GLIS3: variants seen among roughly 807,000 people sequenced by gnomAD.
The protein encoded by GLIS3 is GLIS family zinc finger 3, also known as zinc finger protein GLIS3.
GLIS3 carries 53 observed loss-of-function variants against 78.6 expected under a neutral mutation model. The observed-to-expected ratio is 0.67, with a 90% CI of 0.54 to 0.85. GLIS3 has a LOEUF of 0.85. Among genes scored for constraint, GLIS3 ranks in the 40% least tolerant of loss-of-function variants. GLIS3 has a pLI of 0.00. For synonymous variants in GLIS3, 684 were observed against 509.9 expected (o/e 1.34, Z -4.60); for missense variants, 1,703 against 1,231.1 (o/e 1.38, Z -5.74).
intron 3 of GLIS3, among the ~76,000 whole-genome samples, chr9:4,309,329 G>A (rs182183753): frequency 6.6e-6 from 1 of 152,118 alleles, no homozygotes; most frequent in Non-Finnish European, 1.5e-5. Flanking sequence ...TTAAGACTTG[G>A]CTGTAAGTTA....
At chr9:4,457,490 G>A in the GLIS3 span, among the ~76,000 whole-genome samples, 2 of 152,064 alleles carry the variant, frequency 1.3e-5, no homozygotes, top group African/African-American at 4.8e-5. Context: ...CACCCTCTGT[G>A]GACTTGTTTT....
chr9:4,169,099 G>T (rs1005311521), intron 2 of GLIS3, among the ~76,000 whole-genome samples: 4 of 152,086 alleles, frequency 2.6e-5, no homozygotes, highest in African/African-American at 9.7e-5. Flanking sequence ...CTACATTTTA[G>T]GAGTCTCCAA....
chr9:3,905,108 G>A (rs1823578588), intron 6 of GLIS3, among the ~76,000 whole-genome samples: 1 of 150,348 alleles, frequency 6.7e-6, no homozygotes, highest in Non-Finnish European at 1.5e-5. Flanking sequence ...GAGTAGCTGG[G>A]ACTATAGGCG....
chr9:4,056,603 G>C (rs551033279), intron 4 of GLIS3, among the ~76,000 whole-genome samples: 1 of 152,186 alleles, frequency 6.6e-6, no homozygotes, highest in African/African-American at 2.4e-5. Context: ...AGAGAAAAAA[G>C]CAAAGGGAAG....
rs371128523 is a variant in GLIS3, at chr9:4,242,298, A to G, written c.388+43740T>C. ...CTAGGACATCTCCAGGAAGTGGGGG[A>G]AAAAAACGTGCCAACCAATCTATAG... On this transcript the variant is annotated intron_variant, in intron 2 of 10. Transcript: ENST00000381971. 9.9e-5 allele frequency among the ~76,000 whole-genome samples: 15 copies of G among 152,116 alleles called. No homozygotes were observed. In the East Asian group the frequency reaches 1.5e-3, roughly 16 times the overall value.
At position 4,140,610 on chromosome 9, in the gene GLIS3, G is replaced by A. The variant is rs1439993671; in HGVS notation, c.389-14669C>T. ...TTCCTCCCAGAAGTCCCCCAGAGCT[G>A]CTCAACTATCTCATAGGCCAGATAC... On this transcript the variant is annotated intron_variant, in intron 2 of 10. Coordinates refer to ENST00000381971, the MANE Select transcript of GLIS3 (RefSeq NM_001042413.2). 2.6e-5 allele frequency among the ~76,000 whole-genome samples: 4 copies of A among 152,092 alleles called. No individual in the cohort carries two copies. In the East Asian group the frequency reaches 5.8e-4, roughly 22 times the overall value.
chr9:3,982,605 T>C (rs1819395165), intron 4 of GLIS3, among the ~76,000 whole-genome samples: 1 of 152,196 alleles, frequency 6.6e-6, no homozygotes, highest in African/African-American at 2.4e-5. Flanking sequence ...ATATTTAATA[T>C]CGAAATAAGT....
intron 7 of GLIS3, among the ~76,000 whole-genome samples, chr9:3,883,122 A>G (rs992056411): frequency 6.6e-6 from 1 of 152,208 alleles, no homozygotes; most frequent in African/African-American, 2.4e-5. Flanking sequence ...GGAGTCAGAG[A>G]GCTGTGGCTT....
At chr9:4,387,073 C>A in the GLIS3 span, among the ~76,000 whole-genome samples, 2 of 152,222 alleles carry the variant, frequency 1.3e-5, no homozygotes, top group African/African-American at 4.8e-5. Flanking sequence ...CTCTAGGCAA[C>A]AGGAAATGAA....
At chr9:4,473,085 C>T in the GLIS3 span, among the ~76,000 whole-genome samples, 56 of 152,108 alleles carry the variant, frequency 3.7e-4, no homozygotes, top group East Asian at 3.8e-4. Context: ...ACAGTGTATA[C>T]GCATTTCTTT....
chr9:4,245,877 C>G (rs764906039), intron 2 of GLIS3, among the ~76,000 whole-genome samples: 2 of 152,144 alleles, frequency 1.3e-5, no homozygotes, highest in Admixed American at 1.3e-4. Context: ...GTAAATCTCA[C>G]AAGTTTTGCT....
At chr9:4,214,990 G>A (rs1820691255) in intron 2 of GLIS3, among the ~76,000 whole-genome samples, 1 of 152,164 alleles carries the variant, frequency 6.6e-6, no homozygotes, top group African/African-American at 2.4e-5. Flanking sequence ...GGGTGAGACA[G>A]CTCTCCCTGT....
intron 4 of GLIS3, among the ~76,000 whole-genome samples, chr9:4,076,963 G>A (rs1457224807): frequency 6.6e-6 from 1 of 152,198 alleles, no homozygotes; most frequent in African/African-American, 2.4e-5. Flanking sequence ...GGAGGTTGAG[G>A]TGGGAGGATG....
At chr9:4,387,415 G>A in the GLIS3 span, among the ~76,000 whole-genome samples, 3 of 152,132 alleles carry the variant, frequency 2.0e-5, no homozygotes. Context: ...ATTTCAGCAT[G>A]TCATTCATAG....
chr9:4,404,771 G>C, the GLIS3 span, among the ~76,000 whole-genome samples: 44 of 151,908 alleles, frequency 2.9e-4, no homozygotes, highest in Admixed American at 3.9e-4. Context: ...AAGAAGAAAA[G>C]CTTCAAATAA....
chr9:4,234,344 C>G (rs1014687394), intron 2 of GLIS3, among the ~76,000 whole-genome samples: 2 of 152,084 alleles, frequency 1.3e-5, no homozygotes, highest in South Asian at 2.1e-4. Context: ...AAAGGCCATT[C>G]TAGGGTTATT....
chr9:4,182,217 T>C (rs1426020045), intron 2 of GLIS3, among the ~76,000 whole-genome samples: 2 of 152,210 alleles, frequency 1.3e-5, no homozygotes, highest in East Asian at 1.9e-4. Flanking sequence ...CTGAGTTCTG[T>C]AGACAAATAG....
chr9:4,059,829 TGAGAGA>T lies in GLIS3; in HGVS notation c.1710+57933_1710+57938del, dbSNP rs1004608610. ...TTGTGTGTGTGTGTGTGTGTGTGTGTGAGAGAGAGAGAGAGAGAGAGAGAGAGAGAG... is the reference window on the plus strand; with the variant it reads ...TTGTGTGTGTGTGTGTGTGTGTGTGTGAGAGAGAGAGAGAGAGAGAGAGAG... On this transcript the variant is annotated intron_variant, in intron 4 of 10. Transcript: ENST00000381971. Among the ~76,000 whole-genome samples the T allele has an allele frequency of 6.9e-3, 696 of 100,718 alleles. 5 individuals are homozygous for T. Among genetic ancestry groups the T allele is most frequent in the African/African-American group, 0.016 (484 of 29,514 alleles). 66.1% of individuals were successfully genotyped at this position (100,718 alleles called of 152,430 possible). A position where few individuals can be genotyped will look rare whatever the true frequency, so the allele number is the denominator to read the frequency against.
At chr9:3,951,559 A>G (rs185804462) in intron 4 of GLIS3, among the ~76,000 whole-genome samples, 60 of 152,152 alleles carry the variant, frequency 3.9e-4, no homozygotes, top group African/African-American at 1.4e-3. Context: ...TGAAAAATAG[A>G]CCACTGGCAG....
Sources: allele counts gnomAD v4.1 joint callset (sites outside exome capture counted in the v4.1 genomes callset), GRCh38; gene constraint gnomAD v4.1.1; transcripts MANE v1.5; gene names NCBI Gene and HGNC (gene_info 2026-07-23, HGNC 2026-07-21).